The following IFNG-AS1 variants were observed in gnomAD, a reference collection of about 807,000 sequenced individuals.
IFNG-AS1 encodes the protein IFNG antisense RNA 1 (non-protein coding).
At chr12:67,992,731 G>T (rs193078143) in intron 1 of IFNG-AS1, among the ~76,000 whole-genome samples, 2 of 152,196 alleles carry the variant, frequency 1.3e-5, no homozygotes, top group East Asian at 3.9e-4. Context: ...TCAGTTTATG[G>T]TATTTTGGTT....
chr12:67,999,643 A>G (rs1003645234), intron 2 of IFNG-AS1, among the ~76,000 whole-genome samples: 2 of 152,216 alleles, frequency 1.3e-5, no homozygotes, highest in Non-Finnish European at 1.5e-5. Flanking sequence ...TCAATAATGA[A>G]ATAACTAGCA....
chr12:68,004,855 G>A (rs751129086), intron 2 of IFNG-AS1, among the ~76,000 whole-genome samples: 11 of 152,030 alleles, frequency 7.2e-5, no homozygotes, highest in South Asian at 2.1e-4. Flanking sequence ...TTTTCTTAGC[G>A]GGATGCATAT....
chr12:67,990,223 G>A (rs1242245324), intron 1 of IFNG-AS1, among the ~76,000 whole-genome samples: 2 of 152,184 alleles, frequency 1.3e-5, no homozygotes, highest in Admixed American at 1.3e-4. Flanking sequence ...GCCAAATTAA[G>A]TTAAATCACG....
chr12:68,011,267 G>A (rs1412428386), intron 3 of IFNG-AS1, among the ~76,000 whole-genome samples: 1 of 152,188 alleles, frequency 6.6e-6, no homozygotes, highest in Non-Finnish European at 1.5e-5. Flanking sequence ...AAGTAATCGA[G>A]TAAGGTAAAC....
At chr12:67,990,342 C>T (rs1359963688) in intron 1 of IFNG-AS1, among the ~76,000 whole-genome samples, 1 of 152,118 alleles carries the variant, frequency 6.6e-6, no homozygotes, top group Admixed American at 6.6e-5. Flanking sequence ...GGTAAAAGGG[C>T]TGCATGGGAG....
intron 3 of IFNG-AS1, among the ~76,000 whole-genome samples, chr12:68,010,666 C>T (rs1483817032): frequency 1.3e-5 from 2 of 152,130 alleles, no homozygotes; most frequent in East Asian, 1.9e-4. Context: ...CCCATGTGCT[C>T]AATTTACAAA....
chr12:68,001,047 G>C (rs1006517105), intron 2 of IFNG-AS1, among the ~76,000 whole-genome samples: 1 of 152,096 alleles, frequency 6.6e-6, no homozygotes, highest in Non-Finnish European at 1.5e-5. Context: ...CTACTCAATA[G>C]TTACCTCACA....
intron 3 of IFNG-AS1, chr12:68,019,851 T>C (rs563959078): frequency 1.3e-5 from 2 of 152,304 alleles, no homozygotes; most frequent in South Asian, 2.1e-4. Context: ...TAACTATGTC[T>C]TTTGTTACAG....
chr12:68,001,782 A>T (rs1879775324), intron 2 of IFNG-AS1, among the ~76,000 whole-genome samples: 1 of 152,212 alleles, frequency 6.6e-6, no homozygotes, highest in Non-Finnish European at 1.5e-5. Flanking sequence ...ATTTCAAAAA[A>T]TGAACTCAAA....
At chr12:68,013,001 G>T (rs991720802) in intron 3 of IFNG-AS1, among the ~76,000 whole-genome samples, 1 of 152,178 alleles carries the variant, frequency 6.6e-6, no homozygotes, top group East Asian at 1.9e-4. Context: ...GAAGACAAAA[G>T]GGGAAAGAAC....
At chr12:67,995,161 C>T (rs573472121) in intron 1 of IFNG-AS1, among the ~76,000 whole-genome samples, 20 of 151,848 alleles carry the variant, frequency 1.3e-4, no homozygotes, top group African/African-American at 3.1e-4. Flanking sequence ...TGGTGGCTCA[C>T]GTCTGTAATC....
At chr12:68,000,436 G>A (rs1879741612) in intron 2 of IFNG-AS1, among the ~76,000 whole-genome samples, 1 of 152,126 alleles carries the variant, frequency 6.6e-6, no homozygotes, top group Non-Finnish European at 1.5e-5. Flanking sequence ...TAAGGTCAGA[G>A]GATGGAGAAT....
intron 3 of IFNG-AS1, among the ~76,000 whole-genome samples, chr12:68,010,634 A>C (rs1302572734): frequency 1.3e-5 from 2 of 152,204 alleles, no homozygotes; most frequent in Non-Finnish European, 2.9e-5. Context: ...TGCTGACCAT[A>C]AAGTTGATTA....
intron 2 of IFNG-AS1, among the ~76,000 whole-genome samples, chr12:67,996,681 C>T (rs193169822): frequency 6.6e-6 from 1 of 152,304 alleles, no homozygotes; most frequent in Non-Finnish European, 1.5e-5. Context: ...AGCAGAAAAG[C>T]TCAGGAACTC....
intron 3 of IFNG-AS1, among the ~76,000 whole-genome samples, chr12:68,007,705 G>GCA (rs1207377993): frequency 1.3e-5 from 2 of 152,148 alleles, no homozygotes; most frequent in Non-Finnish European, 2.9e-5. Flanking sequence ...ATTGCACAAT[G>GCA]CAAAACCTCT....
chr12:68,004,726 T>C (rs1202962569), intron 2 of IFNG-AS1, among the ~76,000 whole-genome samples: 2 of 152,172 alleles, frequency 1.3e-5, no homozygotes, highest in Non-Finnish European at 2.9e-5. Context: ...TCAGAACCCA[T>C]AGGATCAAGA....
intron 3 of IFNG-AS1, among the ~76,000 whole-genome samples, chr12:68,017,189 G>A (rs1880175604): frequency 6.6e-6 from 1 of 152,146 alleles, no homozygotes; most frequent in Non-Finnish European, 1.5e-5. Context: ...TGTCACATTG[G>A]AGGAAGCAAA....
chr12:68,003,408 G>A (rs1879819410), intron 2 of IFNG-AS1, among the ~76,000 whole-genome samples: 1 of 149,502 alleles, frequency 6.7e-6, no homozygotes, highest in Admixed American at 6.7e-5. Context: ...GTTCATAGAA[G>A]CTAATCATAT....
At chr12:68,007,924 T>C (rs545181810) in intron 3 of IFNG-AS1, among the ~76,000 whole-genome samples, 2 of 152,264 alleles carry the variant, frequency 1.3e-5, no homozygotes, top group African/African-American at 2.4e-5. Flanking sequence ...CTTAAATAAA[T>C]AAGTGAAGCT....
Sources: gnomAD v4.1 joint callset for allele counts (sites outside exome capture counted in the v4.1 genomes callset) on GRCh38, gnomAD v4.1.1 for gene constraint, MANE v1.5 for transcripts, NCBI Gene and HGNC (gene_info 2026-07-23, HGNC 2026-07-21) for gene names.